RBFOX1: variants seen among roughly 807,000 people sequenced by gnomAD.
The protein encoded by RBFOX1 is RNA binding protein fox-1 homolog 1.
In RBFOX1, 8 loss-of-function variants were observed where a neutral mutation model predicts 57.7. That is an observed-to-expected ratio of 0.14 (90% CI 0.08 to 0.25). The LOEUF is 0.25. RBFOX1 is among the 10% of genes least tolerant of loss of function. RBFOX1 has a pLI of 1.00. For missense variants in RBFOX1, 611 were observed against 548.5 expected, an observed-to-expected ratio of 1.11 and a Z score of -1.14; for synonymous variants, 326 against 222.4, an observed-to-expected ratio of 1.47 and a Z score of -4.15.
At chr16:6,878,327 G>T (rs555348076) in intron 3 of RBFOX1, among the ~76,000 whole-genome samples, 2 of 152,260 alleles carry the variant, frequency 1.3e-5, no homozygotes, top group African/African-American at 2.4e-5. Context: ...ACAGGTGCTG[G>T]AACATTTTAT....
chr16:5,902,704 C>A (rs2058334106), intron 4 of RBFOX1, among the ~76,000 whole-genome samples: 1 of 152,182 alleles, frequency 6.6e-6, no homozygotes, highest in Admixed American at 6.5e-5. Flanking sequence ...GCATGAGCCA[C>A]CGTGCCCGGC....
intron 4 of RBFOX1, among the ~76,000 whole-genome samples, chr16:7,085,980 A>G (rs1370054409): frequency 1.3e-5 from 2 of 152,082 alleles, no homozygotes; most frequent in East Asian, 1.9e-4. Context: ...TATGTGCCTG[A>G]TTGAGAACTT....
In RBFOX1 at chr16:6,054,773, T is replaced by C. The variant is rs997196747; in HGVS notation, c.-127+34781T>C. Among the ~76,000 whole-genome samples, 4 of 152,226 alleles carry C rather than the reference T, an allele frequency of 2.6e-5. No homozygotes were observed. In the South Asian group the frequency reaches 8.3e-4, roughly 32 times the overall value. On this transcript the variant is annotated intron_variant, in intron 1 of 15. Coordinates refer to ENST00000550418, the MANE Select transcript of RBFOX1 (RefSeq NM_018723.4). ...TCGGTGGATGTTATGCTATATTGGC[T>C]ACTTTTTTTATTATTATTATTATTT...
At chr16:7,214,187 C>G (rs2091640984) in intron 4 of RBFOX1, among the ~76,000 whole-genome samples, 1 of 152,074 alleles carries the variant, frequency 6.6e-6, no homozygotes, top group African/African-American at 2.4e-5. Flanking sequence ...ACAGTAGACC[C>G]TTCATTTATC....
intron 3 of RBFOX1, among the ~76,000 whole-genome samples, chr16:6,858,525 G>C (rs1238040004): frequency 6.6e-6 from 1 of 152,082 alleles, no homozygotes; most frequent in Admixed American, 6.5e-5. Flanking sequence ...TTTGTATCAC[G>C]CTTGCTTGTT....
intron 4 of RBFOX1, chr16:7,431,151 T>C (rs2098675772): frequency 6.6e-6 from 1 of 152,204 alleles, no homozygotes; most frequent in African/African-American, 2.4e-5. Flanking sequence ...TGCTAGTGTT[T>C]TGCGTGATTA....
intron 3 of RBFOX1, among the ~76,000 whole-genome samples, chr16:5,829,069 A>G (rs2056174740): frequency 6.6e-6 from 1 of 152,116 alleles, no homozygotes; most frequent in Non-Finnish European, 1.5e-5. Flanking sequence ...CCTGTGCTGC[A>G]TTCTATTCTT....
chr16:5,403,526 C>T (rs9929862), intron 1 of RBFOX1, among the ~76,000 whole-genome samples: 14,291 of 152,102 alleles, frequency 0.094, 1,609 homozygotes, highest in African/African-American at 0.27. Flanking sequence ...TCACCGCAAC[C>T]TCCTCTTTCT....
At chr16:7,136,476 G>A (rs1202503497) in intron 4 of RBFOX1, among the ~76,000 whole-genome samples, 1 of 148,120 alleles carries the variant, frequency 6.8e-6, no homozygotes, top group African/African-American at 2.5e-5. Context: ...GTGCAATGAT[G>A]GTGCAATACA....
intron 3 of RBFOX1, among the ~76,000 whole-genome samples, chr16:7,030,128 C>T (rs140927042): frequency 2.0e-5 from 3 of 152,088 alleles, no homozygotes; most frequent in African/African-American, 4.8e-5. Flanking sequence ...GCCCATAACC[C>T]TGGTGGTTTT....
Position 5,922,199 on chromosome 16 carries a change from G to A in RBFOX1, c.351+54864G>A, listed in dbSNP as rs369187736. 6.6e-5 allele frequency among the ~76,000 whole-genome samples: 10 copies of A among 152,172 alleles called. No individual in the cohort carries two copies. The East Asian group carries it at 1.7e-3, about 27-fold the overall frequency. On this transcript the variant is annotated intron_variant, in intron 4 of 19. Transcript: ENST00000641259. Reference sequence around the variant, plus strand: ...ACCCCCAAACCCTAGCTCTCTATGTGAACTCAGAGCGAGAACTCACTCATC... The same window carrying A: ...ACCCCCAAACCCTAGCTCTCTATGTAAACTCAGAGCGAGAACTCACTCATC...
At chr16:6,563,141 C>T (rs1005444358) in intron 2 of RBFOX1, among the ~76,000 whole-genome samples, 1 of 152,060 alleles carries the variant, frequency 6.6e-6, no homozygotes, top group Non-Finnish European at 1.5e-5. Context: ...AAAATGAATA[C>T]TCAGGTGGTT....
At chr16:6,207,196 T>C (rs925116952) in intron 1 of RBFOX1, among the ~76,000 whole-genome samples, 1 of 152,162 alleles carries the variant, frequency 6.6e-6, no homozygotes, top group African/African-American at 2.4e-5. Context: ...CCCTGTCTTT[T>C]CCCTTTAGCT....
intron 3 of RBFOX1, among the ~76,000 whole-genome samples, chr16:6,952,203 A>G (rs112928116): frequency 0.018 from 2,754 of 152,296 alleles, 67 homozygotes; most frequent in African/African-American, 0.056. Flanking sequence ...CTTCACTGCT[A>G]TCACTGAGAT....
chr16:5,597,637 T>G (rs1258192795), intron 2 of RBFOX1, among the ~76,000 whole-genome samples: 1 of 152,006 alleles, frequency 6.6e-6, no homozygotes, highest in Non-Finnish European at 1.5e-5. Context: ...TGACCTCAGG[T>G]GATCTGTCCG....
At chr16:6,574,483 C>T (rs1159584899) in intron 2 of RBFOX1, among the ~76,000 whole-genome samples, 2 of 132,476 alleles carry the variant, frequency 1.5e-5, no homozygotes, top group East Asian at 2.4e-4. Flanking sequence ...GGCTGGAGTG[C>T]AGTGGCGCGA....
At chr16:6,641,946 C>T in intron 2 of RBFOX1, among the ~76,000 whole-genome samples, 1 of 151,982 alleles carries the variant, frequency 6.6e-6, no homozygotes, top group Non-Finnish European at 1.5e-5. Context: ...TTTTTCCATT[C>T]TTTTGACTGC....
intron 4 of RBFOX1, among the ~76,000 whole-genome samples, chr16:7,405,905 T>C (rs11077176): frequency 0.78 from 118,671 of 151,976 alleles, 46,738 homozygotes; most frequent in Non-Finnish European, 0.83. Context: ...AGGGTGCATT[T>C]GGCCATGTCC....
At chr16:7,154,012 A>G (rs1202640383) in intron 4 of RBFOX1, among the ~76,000 whole-genome samples, 1 of 152,200 alleles carries the variant, frequency 6.6e-6, no homozygotes, top group Non-Finnish European at 1.5e-5. Context: ...CAATTTATCC[A>G]TCATCATTAT....
Sources: gnomAD v4.1 joint callset for allele counts (sites outside exome capture counted in the v4.1 genomes callset) on GRCh38, gnomAD v4.1.1 for gene constraint, MANE v1.5 for transcripts, NCBI Gene and HGNC (gene_info 2026-07-23, HGNC 2026-07-21) for gene names.